Variants in BACH2 observed in about 807,000 individuals in gnomAD.
BACH2 encodes transcription regulator protein BACH2.
A neutral mutation model predicts 61.8 loss-of-function variants in BACH2; 5 were observed. That is an observed-to-expected ratio of 0.08 (90% CI 0.04 to 0.17). The LOEUF (loss-of-function observed/expected upper bound fraction) is 0.17, where lower values mean the gene tolerates loss of function less well. BACH2 is among the 10% of genes least tolerant of loss of function. The pLI, the probability that BACH2 is intolerant of heterozygous loss-of-function variation, is 1.00. For synonymous variants in BACH2, 446 were observed against 440.1 expected (o/e 1.01, Z -0.17); for missense variants, 824 against 1,091.1 (o/e 0.76, Z 3.45).
intron 3 of BACH2, chr6:90,218,370 A>C (rs1211313422): frequency 1.3e-5 from 2 of 152,150 alleles, no homozygotes; most frequent in African/African-American, 4.8e-5. Context: ...ATTACCTTAT[A>C]CACAAATGAC....
chr6:90,116,873 CT>C, intron 4 of BACH2: 1 of 623,842 alleles, frequency 1.6e-6, no homozygotes. Flanking sequence ...TGATAGATGC[CT>C]CCAGGACCAA....
At chr6:90,048,390 T>A (rs1011254520) in intron 5 of BACH2, among the ~76,000 whole-genome samples, 6 of 152,188 alleles carry the variant, frequency 3.9e-5, no homozygotes, top group African/African-American at 1.4e-4. Flanking sequence ...TGGTATCCCT[T>A]GGGCCTAAGC....
intron 1 of BACH2, 111 bp downstream of exon 1, chr6:90,296,369 C>T (rs1772389281): frequency 6.6e-6 from 1 of 150,784 alleles, no homozygotes; most frequent in Non-Finnish European, 1.5e-5. Context: ...GCTCCCTTCC[C>T]GCGCCGTTTC....
At chr6:90,101,587 T>C (rs1364491285) in intron 4 of BACH2, among the ~76,000 whole-genome samples, 1 of 152,202 alleles carries the variant, frequency 6.6e-6, no homozygotes, top group Admixed American at 6.5e-5. Flanking sequence ...TAGGATGTTT[T>C]GAAAAAAGGA....
At chr6:90,156,201 C>A (rs1490667302) in intron 4 of BACH2, among the ~76,000 whole-genome samples, 1 of 151,904 alleles carries the variant, frequency 6.6e-6, no homozygotes, top group African/African-American at 2.4e-5. Flanking sequence ...GTAAAAAAAA[C>A]GCTTCACAAG....
At chr6:89,937,623 C>G (rs1410112619) in intron 8 of BACH2, among the ~76,000 whole-genome samples, 1 of 152,124 alleles carries the variant, frequency 6.6e-6, no homozygotes, top group Admixed American at 6.5e-5. Context: ...TTCACTTCCC[C>G]TGCTCAAGTG....
chr6:90,143,172 C>T (rs567499086), intron 4 of BACH2, among the ~76,000 whole-genome samples: 1 of 152,118 alleles, frequency 6.6e-6, no homozygotes, highest in Non-Finnish European at 1.5e-5. Context: ...GAGAGATGAT[C>T]AGAAAGGTCA....
chr6:90,015,997 C>T (rs1778040251), intron 5 of BACH2, among the ~76,000 whole-genome samples: 1 of 151,992 alleles, frequency 6.6e-6, no homozygotes, highest in Non-Finnish European at 1.5e-5. Flanking sequence ...GTATTTATTC[C>T]TTTATCACTA....
intron 4 of BACH2, among the ~76,000 whole-genome samples, chr6:90,129,728 T>C (rs1784015108): frequency 2.0e-5 from 3 of 152,324 alleles, no homozygotes; most frequent in South Asian, 4.1e-4. Context: ...TTTGTAGCAA[T>C]TGTGAATGGG....
At chr6:90,117,660 A>C (rs1009536475) in intron 4 of BACH2, among the ~76,000 whole-genome samples, 2 of 152,114 alleles carry the variant, frequency 1.3e-5, no homozygotes, top group Non-Finnish European at 2.9e-5. Flanking sequence ...CTCAAAAATA[A>C]TTATGGAATT....
intron 6 of BACH2, among the ~76,000 whole-genome samples, chr6:89,970,075 AAAG>A (rs1231735417): frequency 6.6e-6 from 1 of 152,238 alleles, no homozygotes; most frequent in African/African-American, 2.4e-5. Flanking sequence ...AATGGGGAAA[AAAG>A]AAGAATGTTA....
At chr6:90,190,272 C>T (rs2127844421) in intron 4 of BACH2, among the ~76,000 whole-genome samples, 1 of 152,342 alleles carries the variant, frequency 6.6e-6, no homozygotes, top group South Asian at 2.1e-4. Flanking sequence ...CACTAACATT[C>T]CAAGCGTCTG....
At chr6:90,022,411 C>T (rs1778425848) in intron 5 of BACH2, among the ~76,000 whole-genome samples, 1 of 152,142 alleles carries the variant, frequency 6.6e-6, no homozygotes, top group South Asian at 2.1e-4. Flanking sequence ...TGGTGAAACC[C>T]TGTCTCTACT....
At chr6:89,940,453 T>C (rs1773354973) in intron 7 of BACH2, among the ~76,000 whole-genome samples, 1 of 152,202 alleles carries the variant, frequency 6.6e-6, no homozygotes, top group African/African-American at 2.4e-5. Flanking sequence ...CTTTGAGCAG[T>C]TTGTCACTCC....
chr6:90,039,888 A>C (rs536008362), intron 5 of BACH2, among the ~76,000 whole-genome samples: 6 of 152,294 alleles, frequency 3.9e-5, no homozygotes, highest in African/African-American at 1.2e-4. Flanking sequence ...TAAATTGTTA[A>C]TAGTCTTACT....
At chr6:90,036,331 T>C (rs1215535325) in intron 5 of BACH2, among the ~76,000 whole-genome samples, 4 of 151,974 alleles carry the variant, frequency 2.6e-5, no homozygotes, top group Non-Finnish European at 1.5e-5. Flanking sequence ...GATTCAGAAG[T>C]AGACCCCTAG....
At chr6:89,946,191 G>T (rs1268300156) in intron 7 of BACH2, among the ~76,000 whole-genome samples, 3 of 152,100 alleles carry the variant, frequency 2.0e-5, no homozygotes, top group Non-Finnish European at 4.4e-5. Context: ...AAGAAAAATA[G>T]GCAAAGAGGT....
At chr6:90,245,656 T>C (rs1235353544) in intron 3 of BACH2, among the ~76,000 whole-genome samples, 1 of 152,262 alleles carries the variant, frequency 6.6e-6, no homozygotes, top group African/African-American at 2.4e-5. Context: ...ATAGCCTTTA[T>C]ATGTTCATTT....
In BACH2 at chr6:90,085,051, T is replaced by A. The variant is rs1781873925; in HGVS notation, c.-13+3910A>T. Among the ~76,000 whole-genome samples the A allele has an allele frequency of 2.6e-5, 4 of 152,018 alleles. No individual in the cohort carries two copies. In the South Asian group the frequency reaches 8.3e-4, roughly 32 times the overall value. ...AATAAAACACAAAAGCCAAAAAAAG[T>A]AGGGTACAATGGACTAACCTAGTGA... is the stretch of plus-strand genomic sequence containing the variant. On this transcript the variant is annotated intron_variant, in intron 5 of 8. Transcript: ENST00000257749.
Sources: gnomAD v4.1 joint callset for allele counts (sites outside exome capture counted in the v4.1 genomes callset) on GRCh38, gnomAD v4.1.1 for gene constraint, MANE v1.5 for transcripts, NCBI Gene and HGNC (gene_info 2026-07-23, HGNC 2026-07-21) for gene names.